Variants in PLEKHG6 observed in about 807,000 individuals in gnomAD.
PLEKHG6 encodes pleckstrin homology and RhoGEF domain containing G6, also known as pleckstrin homology domain-containing family G member 6.
In PLEKHG6, 91 loss-of-function variants were observed where a neutral mutation model predicts 97.5. That is an observed-to-expected ratio of 0.93 (90% CI 0.79 to 1.11). The LOEUF (loss-of-function observed/expected upper bound fraction) is 1.11, where lower values mean the gene tolerates loss of function less well. PLEKHG6 is among the 50% of genes most tolerant of loss of function. PLEKHG6 has a pLI of 0.00. For synonymous variants in PLEKHG6, 466 were observed against 425.5 expected, an observed-to-expected ratio of 1.10 and a Z score of -1.17; for missense variants, 1,044 against 1,031.0, an observed-to-expected ratio of 1.01 and a Z score of -0.17.
intron 8 of PLEKHG6, 28 bp from the exon 9 acceptor site, chr12:6,317,518 AC>A (rs1947518811): frequency 6.2e-7 from 1 of 1,612,328 alleles, no homozygotes; most frequent in Non-Finnish European, 8.5e-7. Context: ...GAGGGAGCAA[AC>A]CCTGAGCCCC....
At chr12:6,310,459 G>A (rs1291833800), upstream of PLEKHG6, 1 of 152,264 alleles carries the variant, frequency 6.6e-6, no homozygotes, top group Non-Finnish European at 1.5e-5. Flanking sequence ...GGTCTGGCCC[G>A]GAGTGGAGGG....
At chr12:6,319,720 C>T (rs1400164364) in intron 13 of PLEKHG6, 20 of 1,512,416 alleles carry the variant, frequency 1.3e-5, no homozygotes, top group African/African-American at 4.2e-5. Context: ...ATCTTCCATT[C>T]GCAGACATTT....
In PLEKHG6 at chr12:6,319,107, A is replaced by T; in HGVS notation, c.1523A>T (p.Gln508Leu). The T allele has an allele frequency of 6.3e-7, 1 of 1,599,988 alleles. No individual in the cohort carries two copies. The highest frequency in any genetic ancestry group is 8.6e-7 in the Non-Finnish European group (1 of 1,169,316). Residue 508 changes from glutamine to leucine, a missense_variant and splice_region_variant, in exon 13 of 16, where the codon CAG becomes CTG. Gln to Leu is a moderately radical substitution (Grantham distance 113, BLOSUM62 -2). Transcript: ENST00000684764. ...AQWLEKTQQA[Q>L]AALQKLKAEE... ...TGGCTGGAGAAGACCCAGCAGGCCCAGGTATGGGAAAGCCAGCAACGGGGA... is the reference window on the plus strand; with the variant it reads ...TGGCTGGAGAAGACCCAGCAGGCCCTGGTATGGGAAAGCCAGCAACGGGGA...
At position 6,317,706 on chromosome 12, in the gene PLEKHG6, C is replaced by T. The variant is rs1407493697; in HGVS notation, c.1017+10C>T. ...GGCCCTGAATGCCATGGTAGGTGCC[C>T]CAGTGGGGCTGGGACTCTGGTGAAT... On this transcript the variant is annotated intron_variant, in intron 9 of 15. Transcript: ENST00000684764. 6.2e-6 allele frequency: 10 copies of T among 1,612,610 alleles called. No homozygotes were observed. The highest frequency in any genetic ancestry group is 8.5e-6 in the Non-Finnish European group (10 of 1,179,698).
chr12:6,318,917 C>T (rs1472806158), intron 12 of PLEKHG6, 40 bp downstream of exon 12: 2 of 1,613,160 alleles, frequency 1.2e-6, no homozygotes, highest in Non-Finnish European at 8.5e-7. Flanking sequence ...TCTCCCTCTT[C>T]TCAGCGAGGG....
intron 2 of PLEKHG6, chr12:6,313,031 G>A: frequency 1.3e-6 from 2 of 1,494,494 alleles, no homozygotes; most frequent in Non-Finnish European, 1.8e-6. Context: ...TAGAAAGTAT[G>A]TGGGGTAATT....
chr12:6,312,785 G>A lies in PLEKHG6; in HGVS notation c.138+421G>A. On this transcript the variant is annotated intron_variant, in intron 2 of 15. Coordinates refer to ENST00000684764, the MANE Select transcript of PLEKHG6 (RefSeq NM_001384598.1). ...TCAGGGTGTCCCTACTCCTCCAGTG[G>A]TGGGTAGGGACAGGAGGGTGCCTGC... 4 of 1,197,300 alleles carry A rather than the reference G, an allele frequency of 3.3e-6. No individual in the cohort carries two copies. The South Asian group carries it at 7.1e-5, about 21-fold the overall frequency. The allele number at this position is 1,197,300 out of a possible 1,614,324, so 74.2% of individuals were successfully genotyped here.
intron 9 of PLEKHG6, 37 bp from the exon 10 acceptor site, chr12:6,317,820 G>A: frequency 6.5e-7 from 1 of 1,536,642 alleles, no homozygotes; most frequent in Non-Finnish European, 8.8e-7. Flanking sequence ...GGGGACGGCT[G>A]AGCCGTCCCT....
chr12:6,313,029 A>G, intron 2 of PLEKHG6: 1 of 1,492,384 alleles, frequency 6.7e-7, no homozygotes, highest in Non-Finnish European at 9.0e-7. Context: ...ACTAGAAAGT[A>G]TGTGGGGTAA....
chr12:6,313,519 T>A (rs1947345096), intron 2 of PLEKHG6, 110 bp from the exon 3 acceptor site: 11 of 1,329,022 alleles, frequency 8.3e-6, no homozygotes, highest in Admixed American at 2.0e-5. Context: ...CCAGCCCGAC[T>A]TACCAGGGTG....
In PLEKHG6 at chr12:6,318,427, G is replaced by A; in HGVS notation, c.1275+7G>A. The A allele has an allele frequency of 1.2e-6, 2 of 1,603,292 alleles. No individual in the cohort carries two copies. The highest frequency in any genetic ancestry group is 3.3e-4 in the Middle Eastern group (2 of 5,982). On this transcript the variant is annotated splice_region_variant and intron_variant, in intron 11 of 15. Coordinates refer to ENST00000684764, the MANE Select transcript of PLEKHG6 (RefSeq NM_001384598.1). ...GGAGGGACGAGAAGGGAAGGTGAGG[G>A]TGCTGCGGACAGAGTGGAGGGGATG...
chr12:6,312,673 T>C, intron 2 of PLEKHG6: 1 of 1,193,442 alleles, frequency 8.4e-7, no homozygotes. Context: ...AGCTGGCGCC[T>C]CCCAGGCTCC....
Position 6,310,759 on chromosome 12 carries a change from G to T in PLEKHG6, c.-158G>T, listed in dbSNP as rs1947229881. 2 of 152,586 alleles carry T rather than the reference G, an allele frequency of 1.3e-5. No homozygotes were observed. Among genetic ancestry groups the T allele is most frequent in the Admixed American group, 1.3e-4 (2 of 15,272 alleles). 9.5% of individuals were successfully genotyped at this position (152,586 alleles called of 1,614,324 possible). A position where few individuals can be genotyped will look rare whatever the true frequency, so the allele number is the denominator to read the frequency against. ...CCCAGGCTGGGCATCGGGGCTGGCT[G>T]GCATCGCCGGGGAGCCGACGGCGAC... On this transcript the variant is annotated 5_prime_UTR_variant, in exon 1 of 16. Coordinates refer to ENST00000684764, the MANE Select transcript of PLEKHG6 (RefSeq NM_001384598.1).
At chr12:6,319,191 T>C in intron 13 of PLEKHG6, 83 bp downstream of exon 13, 1 of 889,910 alleles carries the variant, frequency 1.1e-6, no homozygotes, top group Non-Finnish European at 1.8e-6. Context: ...ATCACACCTG[T>C]AATCTCAGCA....
chr12:6,327,223 T>C (rs1592038505), intron 14 of PLEKHG6, 31 bp from the exon 15 acceptor site: 1 of 1,403,428 alleles, frequency 7.1e-7, no homozygotes, highest in Non-Finnish European at 9.8e-7. Context: ...ACTTGACCCC[T>C]ACGCATCTGA....
chr12:6,315,802 G>C lies in PLEKHG6; in HGVS notation c.556-67G>C, dbSNP rs377137805. On this transcript the variant is annotated intron_variant, in intron 5 of 15. Transcript: ENST00000684764. The surrounding 1 kb of genome is among the most constrained non-coding windows in gnomAD (Gnocchi z 4.5). The stretch of plus-strand genomic sequence containing the variant: ...TAGGTCAGCAGTACTGAAGTTGGTG[G>C]GGGGTGGGAGGTGACGACACTGAAG... 6 of 1,392,514 alleles carry C rather than the reference G, an allele frequency of 4.3e-6. No individual in the cohort carries two copies. In the South Asian group the frequency reaches 6.5e-5, roughly 15 times the overall value. The allele number at this position is 1,392,514 out of a possible 1,614,324, so 86.3% of individuals were successfully genotyped here.
At chr12:6,313,126 G>C (rs528676393) in intron 2 of PLEKHG6, 1 of 1,543,020 alleles carries the variant, frequency 6.5e-7, no homozygotes, top group South Asian at 1.2e-5. Context: ...CACACAGAAG[G>C]GCAGCCACTC....
At position 6,327,425 on chromosome 12, in the gene PLEKHG6, G is replaced by A; in HGVS notation, c.1842G>A (p.Arg614=). Residue 614 remains arginine (R), a synonymous_variant, in exon 15 of 16, where the codon CGG becomes CGA. Transcript: ENST00000684764. ...GCCGTCTACGCCAAAGAGCCCTTCGGCGGGACCCTCGCCTCACCTTCTCCA... is the reference window on the plus strand; with the variant it reads ...GCCGTCTACGCCAAAGAGCCCTTCGACGGGACCCTCGCCTCACCTTCTCCA... ...PLSRLRQRAL[R]RDPRLTFSTL... 3 of 1,614,050 alleles carry A rather than the reference G, an allele frequency of 1.9e-6. No homozygotes were observed. The highest frequency in any genetic ancestry group is 1.1e-5 in the South Asian group (1 of 91,080).
In PLEKHG6 at chr12:6,327,937, T is replaced by C; in HGVS notation, c.2354T>C (p.Leu785Pro). The change falls in exon 15 of 16, where the codon CTG becomes CCG. Residue 785 changes from leucine (L) to proline (P), a missense_variant. Transcript: ENST00000684764. ...CACATCATTCAGCTGGACACCCCTC[T>C]GTCCGCATCGTAAGTGCTGGAGGGA... ...GPHIIQLDTP[L>P]SASEV is the part of the protein sequence containing the mutation. 6.7e-7 allele frequency: 1 copy of C among 1,490,320 alleles called. No individual in the cohort carries two copies. Among genetic ancestry groups the C allele is most frequent in the East Asian group, 2.4e-5 (1 of 42,550 alleles). The allele number at this position is 1,490,320 out of a possible 1,614,324, so 92.3% of individuals were successfully genotyped here.
Sources: allele counts gnomAD v4.1 joint callset, GRCh38; gene constraint gnomAD v4.1.1; non-coding constraint Gnocchi (gnomAD v3.1); transcripts MANE v1.5; gene names NCBI Gene and HGNC (gene_info 2026-07-23, HGNC 2026-07-21).